Variants in LHPP observed in about 807,000 individuals in gnomAD.
LHPP encodes the protein hLHPP.
Under a neutral mutation model 30.3 loss-of-function variants are expected in LHPP, and 24 were observed. The ratio of observed to expected loss-of-function variants is 0.79; its 90% CI spans 0.57 to 1.11. The LOEUF (loss-of-function observed/expected upper bound fraction) is 1.11. Ranked by LOEUF, LHPP falls within the 50% of genes most tolerant of loss-of-function variation. LHPP has a pLI of 0.00. For missense variants in LHPP, 356 were observed against 367.2 expected, an observed-to-expected ratio of 0.97 and a Z score of 0.25; for synonymous variants, 150 against 157.1, an observed-to-expected ratio of 0.95 and a Z score of 0.34.
chr10:124,528,339 C>T (rs1336902414), intron 6 of LHPP, among the ~76,000 whole-genome samples: 2 of 152,186 alleles, frequency 1.3e-5, no homozygotes, highest in Non-Finnish European at 2.9e-5. Context: ...ACCTTCCCCA[C>T]TGCCTTTATT....
chr10:124,591,026 A>G (rs972523902), intron 6 of LHPP, among the ~76,000 whole-genome samples: 2 of 152,150 alleles, frequency 1.3e-5, no homozygotes, highest in African/African-American at 2.4e-5. Flanking sequence ...TGTTTCCTCA[A>G]GTCTGTGTGG....
intron 3 of LHPP, 95 bp downstream of exon 3, chr10:124,488,670 G>A (rs1795639256): frequency 1.9e-6 from 2 of 1,071,242 alleles, no homozygotes; most frequent in Non-Finnish European, 1.3e-6. Flanking sequence ...GATGCAGAAG[G>A]GGAGGTGGGA....
chr10:124,488,490 G>A lies in LHPP; in HGVS notation c.382G>A (p.Glu128Lys). The A allele has an allele frequency of 6.2e-7, 1 of 1,614,004 alleles. No individual in the cohort carries two copies. The highest frequency in any genetic ancestry group is 8.5e-7 in the Non-Finnish European group (1 of 1,179,984). ...PNCVVIADAG[E>K]SFSYQNMNNA... The stretch of plus-strand genomic sequence containing the variant: ...CTGTGTGGTAATTGCAGACGCAGGA[G>A]AAAGCTTTTCTTATCAAAACATGAA... The change falls in exon 3 of 7, where the codon GAA becomes AAA. Residue 128 changes from glutamate to lysine, a missense_variant. Transcript: ENST00000368842.
intron 6 of LHPP, among the ~76,000 whole-genome samples, chr10:124,579,465 TC>T (rs1376909308): frequency 6.6e-6 from 1 of 151,800 alleles, no homozygotes; most frequent in East Asian, 1.9e-4. Context: ...CTGTAGCATT[TC>T]AATGTATGGC....
chr10:124,535,215 G>T (rs768065048), intron 6 of LHPP, among the ~76,000 whole-genome samples: 1 of 152,162 alleles, frequency 6.6e-6, no homozygotes, highest in East Asian at 1.9e-4. Context: ...CCCACCAGAC[G>T]CCTGTATGAG....
At chr10:124,485,466 G>A (rs1953296374) in intron 2 of LHPP, among the ~76,000 whole-genome samples, 2 of 151,904 alleles carry the variant, frequency 1.3e-5, no homozygotes, top group East Asian at 1.9e-4. Context: ...TCCTGCATCC[G>A]TGTTTTCAAT....
At chr10:124,534,248 C>A (rs993211917) in intron 6 of LHPP, among the ~76,000 whole-genome samples, 3 of 152,232 alleles carry the variant, frequency 2.0e-5, no homozygotes, top group Non-Finnish European at 4.4e-5. Context: ...TTGGCATGGC[C>A]GTCTTTCCTC....
intron 6 of LHPP, among the ~76,000 whole-genome samples, chr10:124,563,979 C>T (rs1447992559): frequency 6.6e-6 from 1 of 152,090 alleles, no homozygotes; most frequent in African/African-American, 2.4e-5. Context: ...AGATGGAATG[C>T]TCTGTCACCC....
chr10:124,530,972 C>A (rs1185523454), intron 6 of LHPP, among the ~76,000 whole-genome samples: 1 of 152,198 alleles, frequency 6.6e-6, no homozygotes. Context: ...ACGCTCTGGG[C>A]ATTGGGGGCC....
intron 1 of LHPP, among the ~76,000 whole-genome samples, chr10:124,479,112 A>G (rs1184373928): frequency 6.7e-6 from 1 of 148,826 alleles, no homozygotes; most frequent in Non-Finnish European, 1.5e-5. Context: ...AGGAAGTGGG[A>G]GCAAATCCCC....
rs373388556 is a variant in LHPP, at chr10:124,496,929, A to G, written c.468-32A>G. 1 of 1,600,470 alleles carries G rather than the reference A, an allele frequency of 6.2e-7. No homozygotes were observed. Among genetic ancestry groups the G allele is most frequent in the African/African-American group, 1.3e-5 (1 of 74,494 alleles). On this transcript the variant is annotated intron_variant, in intron 3 of 6. Transcript: ENST00000368842. The surrounding 1 kb of genome is among the most constrained non-coding windows in gnomAD (Gnocchi z 4.3). ...ATCCTGCGGTCAGCTCCCCGTGCTC[A>G]GCATCCCGTGCTCCGTTCTGCTCTC...
Position 124,613,249 on chromosome 10 carries a change from G to C in LHPP, c.717-15G>C. 2.5e-6 allele frequency: 4 copies of C among 1,606,398 alleles called. No individual in the cohort carries two copies. The highest frequency in any genetic ancestry group is 1.1e-5 in the South Asian group (1 of 90,940). ...AGCGTGGGGGCACTGACTAACCTCC[G>C]GCCATCCTCTCCAGGCCCAGTGACG... On this transcript the variant is annotated splice_polypyrimidine_tract_variant and intron_variant, in intron 6 of 6. Coordinates refer to ENST00000368842, the MANE Select transcript of LHPP (RefSeq NM_022126.4).
At position 124,462,038 on chromosome 10, in the gene LHPP, C is replaced by T. The variant is rs61861917; in HGVS notation, c.125+51C>T. 6.8e-3 allele frequency: 8,147 copies of T among 1,190,464 alleles called. 46 individuals carry two copies. The highest frequency in any genetic ancestry group is 6.8e-3 in the Non-Finnish European group (6,534 of 960,756). The allele number at this position is 1,190,464 out of a possible 1,614,324, so 73.7% of individuals were successfully genotyped here. A position where few individuals can be genotyped will look rare whatever the true frequency, so the allele number is the denominator to read the frequency against. ...GGGCCGCCGAGCTCTAAGCTCAGCC[C>T]GCTCCCTGGCTGCCGGCAGGGGGCG... On this transcript the variant is annotated intron_variant, in intron 1 of 6. Coordinates refer to ENST00000368842, the MANE Select transcript of LHPP (RefSeq NM_022126.4).
intron 5 of LHPP, among the ~76,000 whole-genome samples, chr10:124,501,092 A>C (rs1347841435): frequency 6.6e-6 from 1 of 152,028 alleles, no homozygotes; most frequent in Non-Finnish European, 1.5e-5. Flanking sequence ...AAGTTCTGAC[A>C]CATGCTACAG....
Position 124,496,606 on chromosome 10 carries a change from AG to A in LHPP, c.468-353del, listed in dbSNP as rs1462147215. Among the ~76,000 whole-genome samples the A allele has an allele frequency of 6.6e-6, 1 of 152,212 alleles. No homozygotes were observed. The highest frequency in any genetic ancestry group is 1.5e-5 in the Non-Finnish European group (1 of 68,016). On this transcript the variant is annotated intron_variant, in intron 3 of 6. Coordinates refer to ENST00000368842, the MANE Select transcript of LHPP (RefSeq NM_022126.4). The surrounding 1 kb of genome is among the most constrained non-coding windows in gnomAD (Gnocchi z 4.3). ...GACCTGCTGTTCCTTCCCAGGACAC[AG>A]GTCACTTGTCATTCTCTGTGTTAGC...
At chr10:124,549,248 C>CA (rs1248046616) in intron 6 of LHPP, among the ~76,000 whole-genome samples, 1 of 152,048 alleles carries the variant, frequency 6.6e-6, no homozygotes, top group African/African-American at 2.4e-5. Context: ...CCAGCCTGGG[C>CA]AACATAGTGA....
rs535783629 is a variant in LHPP at position 124,591,486 on chromosome 10, G to C, written c.717-21778G>C. 2.0e-5 allele frequency among the ~76,000 whole-genome samples: 3 copies of C among 152,272 alleles called. No homozygotes were observed. In the East Asian group the frequency reaches 5.8e-4, roughly 29 times the overall value. On this transcript the variant is annotated intron_variant, in intron 6 of 6. Transcript: ENST00000368842. Reference sequence around the variant, plus strand: ...GTTTCTCTGGAAGCCTGGGGTTCCAGGCCATGCAGGTAGAGAACAACAGGT... The same window carrying C: ...GTTTCTCTGGAAGCCTGGGGTTCCACGCCATGCAGGTAGAGAACAACAGGT...
At chr10:124,612,492 C>A (rs892908080) in intron 6 of LHPP, among the ~76,000 whole-genome samples, 1 of 152,188 alleles carries the variant, frequency 6.6e-6, no homozygotes, top group Non-Finnish European at 1.5e-5. Flanking sequence ...CTCCCACCCA[C>A]GTGTCTACCC....
intron 6 of LHPP, among the ~76,000 whole-genome samples, chr10:124,545,020 T>C (rs1328246153): frequency 2.0e-5 from 3 of 152,244 alleles, no homozygotes; most frequent in African/African-American, 7.2e-5. Context: ...TCTGAGGATG[T>C]GGGTGCTTTG....
Sources: gnomAD v4.1 joint callset for allele counts (sites outside exome capture counted in the v4.1 genomes callset) on GRCh38, gnomAD v4.1.1 for gene constraint, Gnocchi (gnomAD v3.1) non-coding constraint, MANE v1.5 for transcripts, NCBI Gene and HGNC (gene_info 2026-07-23, HGNC 2026-07-21) for gene names.